MAP3K7: variants seen among roughly 807,000 people sequenced by gnomAD.
The protein encoded by MAP3K7 is TGF-beta activated kinase 1.
In MAP3K7, 21 loss-of-function variants were observed where a neutral mutation model predicts 84.8. The ratio of observed to expected loss-of-function variants is 0.25; its 90% CI spans 0.18 to 0.36. MAP3K7 has a LOEUF of 0.36. Among genes scored for constraint, MAP3K7 ranks in the 10% least tolerant of loss-of-function variants. MAP3K7 has a pLI of 1.00. For synonymous variants in MAP3K7, 241 were observed against 247.7 expected, an observed-to-expected ratio of 0.97 and a Z score of 0.25; for missense variants, 503 against 747.7, an observed-to-expected ratio of 0.67 and a Z score of 3.82.
At chr6:90,574,720 T>C (rs532610791) in intron 1 of MAP3K7, among the ~76,000 whole-genome samples, 6 of 152,224 alleles carry the variant, frequency 3.9e-5, no homozygotes, top group Non-Finnish European at 5.9e-5. Context: ...AAAATTCATT[T>C]GACTATTTGT....
chr6:90,586,815 G>A lies in MAP3K7; in HGVS notation c.69C>T (p.Ser23=), dbSNP rs1318160141. 6.2e-7 allele frequency: 1 copy of A among 1,610,936 alleles called. No homozygotes were observed. The highest frequency in any genetic ancestry group is 1.3e-5 in the African/African-American group (1 of 74,610). The change falls in exon 1 of 17, where the codon TCC becomes TCT. Residue 23 remains serine (S), a synonymous_variant. Transcript: ENST00000369329. ...CGATCTCTTCAAAGTTGAGGACCTGGGAAGGGGCTTCGATCATCTCACCGG... is the reference window on the plus strand; with the variant it reads ...CGATCTCTTCAAAGTTGAGGACCTGAGAAGGGGCTTCGATCATCTCACCGG... ...SSAGEMIEAP[S]QVLNFEEIDY...
chr6:90,549,888 C>T (rs1776126460), intron 9 of MAP3K7, among the ~76,000 whole-genome samples: 1 of 152,100 alleles, frequency 6.6e-6, no homozygotes, highest in Non-Finnish European at 1.5e-5. Flanking sequence ...TGCATATAGA[C>T]ACACACATAT....
chr6:90,551,593 T>G (rs1776180188), intron 8 of MAP3K7: 1 of 152,366 alleles, frequency 6.6e-6, no homozygotes. Flanking sequence ...AATAAATGTG[T>G]CTGAGAATGC....
chr6:90,540,000 G>T (rs1775805736), intron 12 of MAP3K7, among the ~76,000 whole-genome samples: 1 of 151,910 alleles, frequency 6.6e-6, no homozygotes, highest in African/African-American at 2.4e-5. Context: ...TTTTTATTCA[G>T]TTAAGAGATC....
chr6:90,540,802 G>GA (rs1775832469), intron 12 of MAP3K7, among the ~76,000 whole-genome samples: 1 of 151,970 alleles, frequency 6.6e-6, no homozygotes, highest in South Asian at 2.1e-4. Context: ...ATGTTAAACT[G>GA]AAAAAGGTTG....
At chr6:90,525,845 G>T (rs1775304146) in intron 13 of MAP3K7, among the ~76,000 whole-genome samples, 1 of 151,638 alleles carries the variant, frequency 6.6e-6, no homozygotes, top group African/African-American at 2.4e-5. Flanking sequence ...GGGATTGCAG[G>T]TATAAGCCAC....
chr6:90,560,917 G>A (rs1164630073), intron 4 of MAP3K7, among the ~76,000 whole-genome samples: 13 of 152,080 alleles, frequency 8.5e-5, no homozygotes, highest in Non-Finnish European at 1.8e-4. Flanking sequence ...TGTATATCAA[G>A]ATGTTTGCAC....
At chr6:90,564,937 A>G (rs1026752700) in intron 3 of MAP3K7, among the ~76,000 whole-genome samples, 4 of 152,204 alleles carry the variant, frequency 2.6e-5, no homozygotes, top group Non-Finnish European at 2.9e-5. Context: ...ACTCAACTAC[A>G]TGGAAACTGA....
chr6:90,574,061 T>C (rs570960482), intron 1 of MAP3K7, among the ~76,000 whole-genome samples: 1 of 152,348 alleles, frequency 6.6e-6, no homozygotes, highest in East Asian at 1.9e-4. Context: ...AGTTTGAATG[T>C]AGGGCTCTGT....
chr6:90,577,343 T>C (rs1777120092), intron 1 of MAP3K7, among the ~76,000 whole-genome samples: 1 of 152,200 alleles, frequency 6.6e-6, no homozygotes, highest in Admixed American at 6.5e-5. Flanking sequence ...TTAAGATGCC[T>C]ACTGGATATC....
chr6:90,577,705 G>A (rs1361556855), intron 1 of MAP3K7, among the ~76,000 whole-genome samples: 2 of 152,234 alleles, frequency 1.3e-5, no homozygotes, highest in Non-Finnish European at 2.9e-5. Context: ...GGCTCTAAAA[G>A]TGTGGTCTCC....
At chr6:90,517,491 T>C (rs910440430) in intron 16 of MAP3K7, among the ~76,000 whole-genome samples, 9 of 151,828 alleles carry the variant, frequency 5.9e-5, no homozygotes, top group African/African-American at 2.2e-4. Context: ...ATTTGTTTTT[T>C]CCAGCATAGA....
chr6:90,583,460 A>AT (rs1166017609), intron 1 of MAP3K7, among the ~76,000 whole-genome samples: 1 of 152,298 alleles, frequency 6.6e-6, no homozygotes, highest in African/African-American at 2.4e-5. Context: ...CTGCTTGTCA[A>AT]TATCTGTACA....
chr6:90,530,144 T>A (rs1435883072), intron 13 of MAP3K7, among the ~76,000 whole-genome samples: 1 of 152,198 alleles, frequency 6.6e-6, no homozygotes, highest in Non-Finnish European at 1.5e-5. Flanking sequence ...TAACTGCTAT[T>A]ATAAATCAAA....
intron 15 of MAP3K7, 46 bp downstream of exon 15, chr6:90,519,212 T>C (rs748181748): frequency 7.8e-7 from 1 of 1,284,616 alleles, no homozygotes; most frequent in Non-Finnish European, 1.1e-6. Context: ...ACTTAAACTC[T>C]CTAAGAAGAA....
intron 13 of MAP3K7, among the ~76,000 whole-genome samples, chr6:90,529,916 T>C (rs567171818): frequency 6.6e-6 from 1 of 152,336 alleles, no homozygotes; most frequent in Admixed American, 6.5e-5. Flanking sequence ...ACACAAGCTA[T>C]TAGCACTCAG....
At chr6:90,532,819 C>T (rs1775550954) in intron 13 of MAP3K7, among the ~76,000 whole-genome samples, 1 of 152,190 alleles carries the variant, frequency 6.6e-6, no homozygotes, top group African/African-American at 2.4e-5. Context: ...TACAATTCAT[C>T]ATCACTTAAC....
At chr6:90,566,768 C>T (rs2127982369) in intron 3 of MAP3K7, among the ~76,000 whole-genome samples, 1 of 152,162 alleles carries the variant, frequency 6.6e-6, no homozygotes, top group South Asian at 2.1e-4. Context: ...AATCCTAAGC[C>T]AAAAGAACAA....
chr6:90,575,582 G>T (rs1027778242), intron 1 of MAP3K7, among the ~76,000 whole-genome samples: 1 of 152,116 alleles, frequency 6.6e-6, no homozygotes, highest in Non-Finnish European at 1.5e-5. Flanking sequence ...CAAAAAGCAA[G>T]CTAACTGAGA....
Sources: allele counts gnomAD v4.1 joint callset (sites outside exome capture counted in the v4.1 genomes callset), GRCh38; gene constraint gnomAD v4.1.1; transcripts MANE v1.5; gene names NCBI Gene and HGNC (gene_info 2026-07-23, HGNC 2026-07-21).